The following BICDL1 variants were observed in gnomAD, a reference collection of about 807,000 sequenced individuals.
BICDL1 encodes BICD family like cargo adaptor 1, also known as BICD family-like cargo adapter 1.
A neutral mutation model predicts 76.8 loss-of-function variants in BICDL1; 20 were observed. The observed-to-expected ratio is 0.26, with a 90% CI of 0.18 to 0.38. The LOEUF is 0.38. BICDL1 is among the 10% of genes least tolerant of loss of function. BICDL1 has a pLI of 1.00. For synonymous variants in BICDL1, 383 were observed against 337.1 expected, an observed-to-expected ratio of 1.14 and a Z score of -1.49; for missense variants, 700 against 798.6, an observed-to-expected ratio of 0.88 and a Z score of 1.49.
rs377763632 is a variant in BICDL1 at position 120,090,049 on chromosome 12, C to G, written c.1682C>G (p.Ser561Trp). ...LDAIQQKLNL[S>W]QQLEAWQDDM... ...GCCATTCAGCAGAAACTGAACCTCT[C>G]GCAGCAGCTGGAAGCTTGGCAGGTA... The change falls in exon 9 of 10, where the codon TCG becomes TGG. Residue 561 changes from serine to tryptophan, a missense_variant. Around this residue, in one of 3 missense-constraint regions of BICDL1, gnomAD observed 455 missense variants for 548.7 expected, o/e 0.83. Transcript: ENST00000548673. 1 of 1,614,066 alleles carries G rather than the reference C, an allele frequency of 6.2e-7. No homozygotes were observed.
intron 2 of BICDL1, among the ~76,000 whole-genome samples, chr12:120,046,098 A>G (rs1026937071): frequency 1.3e-5 from 2 of 152,096 alleles, no homozygotes; most frequent in African/African-American, 4.8e-5. Flanking sequence ...CTGCATTTTC[A>G]TATCCACTCT....
At chr12:120,077,489 C>G (rs996544653) in intron 7 of BICDL1, among the ~76,000 whole-genome samples, 2 of 151,256 alleles carry the variant, frequency 1.3e-5, no homozygotes, top group Non-Finnish European at 2.9e-5. Flanking sequence ...CGGTGAGGCC[C>G]TCAGCCAGTT....
At chr12:120,039,505 G>A (rs948985216) in intron 2 of BICDL1, among the ~76,000 whole-genome samples, 7 of 151,014 alleles carry the variant, frequency 4.6e-5, no homozygotes, top group African/African-American at 1.7e-4. Context: ...GGGCGTGGTG[G>A]TGCATGCCGG....
chr12:120,033,828 C>T (rs1019911493), intron 2 of BICDL1, among the ~76,000 whole-genome samples: 2 of 151,946 alleles, frequency 1.3e-5, no homozygotes, highest in Non-Finnish European at 2.9e-5. Flanking sequence ...CATTTTTGGC[C>T]AGAAGATGTG....
At position 119,989,938 on chromosome 12, in the gene BICDL1, A is replaced by T; in HGVS notation, c.70A>T (p.Met24Leu). Reference protein sequence around the residue: ...APAEPDSACCMELPAAAGDAV... With the variant: ...APAEPDSACCLELPAAAGDAV... ...CGCCGAGCCGGACAGCGCCTGCTGC[A>T]TGGAGCTGCCCGCCGCGGCCGGGGA... is the stretch of plus-strand genomic sequence containing the variant. The change falls in exon 1 of 10, where the codon ATG (methionine) becomes TTG (leucine). Residue 24 changes from methionine to leucine, a missense_variant. This residue lies in a region of BICDL1 where 225 missense variants were observed against 199.6 expected (regional missense o/e 1.13). Coordinates refer to ENST00000548673, the MANE Select transcript of BICDL1 (RefSeq NM_001367886.1). The T allele has an allele frequency of 3.4e-6, 5 of 1,470,284 alleles. No individual in the cohort carries two copies. Among genetic ancestry groups the T allele is most frequent in the Non-Finnish European group, 4.4e-6 (5 of 1,124,582 alleles). 91.1% of individuals were successfully genotyped at this position (1,470,284 alleles called of 1,614,324 possible).
At chr12:120,069,761 A>G (rs1872944522) in intron 4 of BICDL1, among the ~76,000 whole-genome samples, 1 of 152,228 alleles carries the variant, frequency 6.6e-6, no homozygotes, top group Non-Finnish European at 1.5e-5. Context: ...TAATTTTTAC[A>G]AATACATACC....
intron 1 of BICDL1, among the ~76,000 whole-genome samples, chr12:119,996,304 A>C (rs1007974002): frequency 1.3e-5 from 2 of 152,032 alleles, no homozygotes; most frequent in Non-Finnish European, 2.9e-5. Flanking sequence ...ATCATGGTAA[A>C]TTTTCATCTT....
intron 2 of BICDL1, among the ~76,000 whole-genome samples, chr12:120,010,187 T>A (rs1951925736): frequency 6.6e-6 from 1 of 152,224 alleles, no homozygotes; most frequent in East Asian, 1.9e-4. Context: ...CTAAAGAGTA[T>A]TATGCAGTTG....
chr12:120,021,774 G>A (rs1379809305), intron 2 of BICDL1, among the ~76,000 whole-genome samples: 5 of 147,298 alleles, frequency 3.4e-5, no homozygotes, highest in African/African-American at 1.0e-4. Context: ...GCGTGGTGGC[G>A]CATGCCTGTA....
Position 119,989,774 on chromosome 12 carries a change from C to T in BICDL1, c.-95C>T. ...GCGCGTGCCGCGGCGCGAGGCGAGG[C>T]GCGGGACGCGGGGCGGCGCGGCAGG... On this transcript the variant is annotated 5_prime_UTR_variant, in exon 1 of 10. Coordinates refer to ENST00000548673, the MANE Select transcript of BICDL1 (RefSeq NM_001367886.1). 2.1e-6 allele frequency: 1 copy of T among 472,436 alleles called. No individual in the cohort carries two copies. The allele number at this position is 472,436 out of a possible 1,614,324, so 29.3% of individuals were successfully genotyped here.
At chr12:120,002,613 A>G (rs1280224881) in intron 2 of BICDL1, among the ~76,000 whole-genome samples, 1 of 152,188 alleles carries the variant, frequency 6.6e-6, no homozygotes, top group Non-Finnish European at 1.5e-5. Context: ...CCTGCATTCT[A>G]TTCCTTGAGT....
chr12:120,027,297 C>T (rs1338434510), intron 2 of BICDL1, among the ~76,000 whole-genome samples: 2 of 152,088 alleles, frequency 1.3e-5, no homozygotes, highest in Admixed American at 6.6e-5. Flanking sequence ...GCTGGGATTA[C>T]AGGTGTGAGC....
At chr12:119,992,377 G>C (rs554871389) in intron 1 of BICDL1, 1 of 152,252 alleles carries the variant, frequency 6.6e-6, no homozygotes, top group African/African-American at 2.4e-5. Flanking sequence ...ACTTTCTAAC[G>C]TTCAGTACAA....
intron 1 of BICDL1, chr12:119,992,731 T>C (rs1201667718): frequency 2.6e-5 from 4 of 152,158 alleles, no homozygotes; most frequent in African/African-American, 9.7e-5. Flanking sequence ...AACCAGTACT[T>C]TAAGACGCAT....
intron 2 of BICDL1, among the ~76,000 whole-genome samples, chr12:120,030,012 T>G (rs1248487655): frequency 6.6e-6 from 1 of 152,196 alleles, no homozygotes; most frequent in Non-Finnish European, 1.5e-5. Context: ...TTTCTTCCAG[T>G]TTTATTGAAG....
chr12:120,087,106 C>T (rs112799307), intron 8 of BICDL1, among the ~76,000 whole-genome samples: 1 of 152,264 alleles, frequency 6.6e-6, no homozygotes, highest in Non-Finnish European at 1.5e-5. Context: ...CTGTGGCTGT[C>T]GTGGGGCACC....
chr12:120,094,074 A>C lies in BICDL1; in HGVS notation c.*913A>C, dbSNP rs1471054320. On this transcript the variant is annotated 3_prime_UTR_variant, in exon 10 of 10. Coordinates refer to ENST00000548673, the MANE Select transcript of BICDL1 (RefSeq NM_001367886.1). The stretch of plus-strand genomic sequence containing the variant: ...TGGTCAGCCACCCCACCTTGAGGGC[A>C]GCACAGGCACCACGGGGTGGAGGGG... The C allele has an allele frequency of 5.0e-6, 2 of 399,086 alleles. No homozygotes were observed. The highest frequency in any genetic ancestry group is 4.2e-5 in the African/African-American group (2 of 47,562). The allele number at this position is 399,086 out of a possible 1,614,324, so 24.7% of individuals were successfully genotyped here.
chr12:120,004,599 A>G (rs1042438720), intron 2 of BICDL1, among the ~76,000 whole-genome samples: 5 of 152,214 alleles, frequency 3.3e-5, no homozygotes, highest in Non-Finnish European at 5.9e-5. Context: ...AGAGACTGAA[A>G]TAAAGAAACA....
At chr12:120,006,758 A>G (rs1419404674) in intron 2 of BICDL1, among the ~76,000 whole-genome samples, 1 of 152,166 alleles carries the variant, frequency 6.6e-6, no homozygotes, top group Non-Finnish European at 1.5e-5. Flanking sequence ...GAGATCAGAG[A>G]GGTAATCAGC....
Sources: allele counts gnomAD v4.1 joint callset (sites outside exome capture counted in the v4.1 genomes callset), GRCh38; gene constraint gnomAD v4.1.1; regional missense constraint gnomAD v4.1.1; transcripts MANE v1.5; gene names NCBI Gene and HGNC (gene_info 2026-07-23, HGNC 2026-07-21).